PNLIPRP1: variants seen among roughly 807,000 people sequenced by gnomAD.
The protein encoded by PNLIPRP1 is pancreatic lipase related protein 1, also known as inactive pancreatic lipase-related protein 1.
PNLIPRP1 carries 57 observed loss-of-function variants against 54.6 expected under a neutral mutation model. The observed-to-expected ratio is 1.04, with a 90% CI of 0.84 to 1.30. The LOEUF is 1.30. Ranked by LOEUF, PNLIPRP1 falls within the 50% of genes most tolerant of loss-of-function variation. PNLIPRP1 has a pLI of 0.00. For synonymous variants in PNLIPRP1, 232 were observed against 208.8 expected (o/e 1.11, Z -0.96); for missense variants, 567 against 568.5 (o/e 1.00, Z 0.03).
At chr10:116,599,934 TAA>T in intron 8 of PNLIPRP1, 111 bp from the exon 9 acceptor site, 1 of 717,858 alleles carries the variant, frequency 1.4e-6, no homozygotes, top group Non-Finnish European at 2.5e-6. Context: ...GGATTTATCT[TAA>T]GTTTCTGAAA....
intron 10 of PNLIPRP1, among the ~76,000 whole-genome samples, chr10:116,603,141 G>A (rs1365836804): frequency 5.3e-5 from 8 of 152,196 alleles, no homozygotes; most frequent in African/African-American, 1.2e-4. Flanking sequence ...AGCATTTCAG[G>A]TAGAAGCCTA....
At chr10:116,594,901 A>T (rs781851357) in intron 5 of PNLIPRP1, 37 bp downstream of exon 5, 3 of 1,610,172 alleles carry the variant, frequency 1.9e-6, no homozygotes, top group Non-Finnish European at 2.5e-6. Context: ...GGAGGGAAGC[A>T]GTGCCTGCTG....
rs141916863 is a variant in PNLIPRP1, at chr10:116,596,235, T to G, written c.487T>G (p.Ser163Ala). 1.3e-4 allele frequency: 214 copies of G among 1,612,772 alleles called. No homozygotes were observed. Among genetic ancestry groups the G allele is most frequent in the Non-Finnish European group, 1.6e-4 (194 of 1,178,964 alleles). Residue 163 changes from serine to alanine, a missense_variant, in exon 6 of 13, where the codon TCC (serine) becomes GCC (alanine). By Grantham distance (99) the Ser-to-Ala change is moderately conservative. Transcript: ENST00000358834. ...CCAGACAGAGTATAGCTACCCCCCT[T>G]CCAAAGTTCACCTCATTGGCCACAG... Reference protein sequence around the residue: ...ILLTEYSYPPSKVHLIGHSLG... With the variant: ...ILLTEYSYPPAKVHLIGHSLG...
chr10:116,601,050 C>T, intron 9 of PNLIPRP1, 22 bp from the exon 10 acceptor site: 1 of 1,594,842 alleles, frequency 6.3e-7, no homozygotes, highest in Non-Finnish European at 8.5e-7. Context: ...TCCTTACAGT[C>T]CCATCTATCT....
intron 3 of PNLIPRP1, chr10:116,592,176 G>A (rs781913807): frequency 6.3e-6 from 4 of 632,422 alleles, no homozygotes; most frequent in Non-Finnish European, 1.1e-5. Flanking sequence ...ACAGCTTACT[G>A]TCTAACAAAA....
intron 8 of PNLIPRP1, among the ~76,000 whole-genome samples, chr10:116,599,575 G>A (rs111276140): frequency 1.8e-4 from 28 of 152,084 alleles, no homozygotes; most frequent in African/African-American, 5.6e-4. Flanking sequence ...AAATGTCCTC[G>A]CATTGGCTTG....
At chr10:116,605,273 T>C in intron 11 of PNLIPRP1, 113 bp from the exon 12 acceptor site, 1 of 587,982 alleles carries the variant, frequency 1.7e-6, no homozygotes, top group Non-Finnish European at 2.9e-6. Flanking sequence ...TATTTGGAAA[T>C]TAATTCGGAA....
intron 12 of PNLIPRP1, 106 bp from the exon 13 acceptor site, chr10:116,608,947 C>A: frequency 1.2e-6 from 1 of 862,590 alleles, no homozygotes; most frequent in Non-Finnish European, 2.0e-6. Flanking sequence ...CTGGGCTTAA[C>A]CCCTTAAGAA....
intron 12 of PNLIPRP1, among the ~76,000 whole-genome samples, chr10:116,605,817 A>G (rs1298048483): frequency 6.6e-6 from 1 of 152,244 alleles, no homozygotes; most frequent in Admixed American, 6.5e-5. Context: ...AATACAAGAA[A>G]GAGAACAAGA....
chr10:116,606,118 C>T (rs1269469933), intron 12 of PNLIPRP1, among the ~76,000 whole-genome samples: 4 of 152,158 alleles, frequency 2.6e-5, no homozygotes, highest in African/African-American at 9.7e-5. Flanking sequence ...GCGACTGTCT[C>T]TCAAACCTCA....
chr10:116,594,244 CAT>C (rs1847693401), intron 4 of PNLIPRP1: 2 of 454,716 alleles, frequency 4.4e-6, no homozygotes, highest in African/African-American at 2.0e-5. Flanking sequence ...CAAATATCTA[CAT>C]GTGTCTACTC....
chr10:116,607,726 T>C (rs1554865730), intron 12 of PNLIPRP1, among the ~76,000 whole-genome samples: 1 of 152,216 alleles, frequency 6.6e-6, no homozygotes, highest in Non-Finnish European at 1.5e-5. Context: ...TGGTGAGGCC[T>C]GAGAGAAGTC....
intron 12 of PNLIPRP1, among the ~76,000 whole-genome samples, chr10:116,606,806 C>A (rs1317105774): frequency 6.6e-6 from 1 of 152,188 alleles, no homozygotes; most frequent in African/African-American, 2.4e-5. Context: ...TGCCCATCAG[C>A]TGTCACCTGC....
chr10:116,608,285 C>A (rs1554865821), intron 12 of PNLIPRP1, among the ~76,000 whole-genome samples: 1 of 152,174 alleles, frequency 6.6e-6, no homozygotes, highest in Non-Finnish European at 1.5e-5. Flanking sequence ...GGACCAAAAT[C>A]TTGATTTTCT....
chr10:116,601,600 G>A (rs1379697355), intron 10 of PNLIPRP1, among the ~76,000 whole-genome samples: 1 of 152,190 alleles, frequency 6.6e-6, no homozygotes, highest in Non-Finnish European at 1.5e-5. Flanking sequence ...TGTCCCTTAA[G>A]AAGCCCAACT....
At chr10:116,601,314 A>C in intron 10 of PNLIPRP1, 113 bp downstream of exon 10, 2 of 982,310 alleles carry the variant, frequency 2.0e-6, no homozygotes, top group Non-Finnish European at 1.5e-6. Context: ...ATTATCTTAG[A>C]AATGGACACA....
At position 116,605,388 on chromosome 10, in the gene PNLIPRP1, G is replaced by A; in HGVS notation, c.1175G>A (p.Gly392Glu). ...GNTHQYSIFR[G>E]ILKPGSTHSY... ...TGTTTATGTTTCTCTATTTCAAGGG[G>A]GATTCTCAAACCAGGCTCAACCCAT... Residue 392 changes from glycine to glutamate, a missense_variant and splice_region_variant, in exon 12 of 13, where the codon GGG (glycine) becomes GAG (glutamate). By Grantham distance (98) the Gly-to-Glu change is moderately conservative. Coordinates refer to ENST00000358834, the MANE Select transcript of PNLIPRP1 (RefSeq NM_006229.4). 6.4e-7 allele frequency: 1 copy of A among 1,568,006 alleles called. No homozygotes were observed. Among genetic ancestry groups the A allele is most frequent in the Non-Finnish European group, 8.7e-7 (1 of 1,148,210 alleles).
chr10:116,599,967 C>A, intron 8 of PNLIPRP1, 80 bp from the exon 9 acceptor site: 2 of 853,110 alleles, frequency 2.3e-6, no homozygotes, highest in Non-Finnish European at 3.9e-6. Flanking sequence ...ACTTTGGAAC[C>A]ATCCCATTTG....
At chr10:116,600,971 G>A in intron 9 of PNLIPRP1, 101 bp from the exon 10 acceptor site, 2 of 1,069,136 alleles carry the variant, frequency 1.9e-6, no homozygotes, top group Non-Finnish European at 2.7e-6. Flanking sequence ...TCACAAAGGA[G>A]AACGCTTAGG....
Sources: allele counts gnomAD v4.1 joint callset (sites outside exome capture counted in the v4.1 genomes callset), GRCh38; gene constraint gnomAD v4.1.1; transcripts MANE v1.5; gene names NCBI Gene and HGNC (gene_info 2026-07-23, HGNC 2026-07-21).